Variants in ANKRD11 observed in about 807,000 individuals in gnomAD.
ANKRD11 encodes ankyrin repeat domain 11.
ANKRD11 carries 17 observed loss-of-function variants against 195.7 expected under a neutral mutation model. That is an observed-to-expected ratio of 0.09 (90% CI 0.06 to 0.13). The LOEUF is 0.13. Among genes scored for constraint, ANKRD11 ranks in the 10% least tolerant of loss-of-function variants. The probability of loss-of-function intolerance (pLI) is 1.00; values close to 1 mark genes in which losing one functional copy is unlikely to be tolerated. For synonymous variants in ANKRD11, 1,953 were observed against 1,528.1 expected (o/e 1.28, Z -6.49); for missense variants, 3,735 against 3,566.1 (o/e 1.05, Z -1.21).
At chr16:89,381,767 T>C (rs573695494) in intron 2 of ANKRD11, among the ~76,000 whole-genome samples, 33 of 152,268 alleles carry the variant, frequency 2.2e-4, no homozygotes, top group Non-Finnish European at 3.8e-4. Flanking sequence ...ACCGAATTTA[T>C]ACACTTTGTG....
chr16:89,285,642 T>C lies in ANKRD11; in HGVS notation c.900A>G (p.Ser300=). The change falls in exon 9 of 13, where the codon TCA becomes TCG. Residue 300 remains serine, a synonymous_variant. Coordinates refer to ENST00000301030, the MANE Select transcript of ANKRD11 (RefSeq NM_013275.6). This position sits in a 1 kb window ranked among gnomAD's most constrained non-coding sequence, Gnocchi z 5.6. ...TSSEESSTES[S]EEEDAPSFAP... ...CGAAGGATGGTGCGTCTTCCTCTTC[T>C]GAGCTCTCTGTTGGAGGTAGGAAGC... 6.2e-7 allele frequency: 1 copy of C among 1,614,222 alleles called. No homozygotes were observed. Among genetic ancestry groups the C allele is most frequent in the South Asian group, 1.1e-5 (1 of 91,086 alleles).
intron 11 of ANKRD11, chr16:89,273,158 C>G (rs1018451735): frequency 6.6e-6 from 1 of 151,524 alleles, no homozygotes; most frequent in Non-Finnish European, 1.5e-5. Flanking sequence ...CATATAAGAG[C>G]GTTAACTGGA....
At chr16:89,270,930 A>G (rs757251700) in intron 11 of ANKRD11, 21 bp from the exon 12 acceptor site, 2 of 1,612,920 alleles carry the variant, frequency 1.2e-6, no homozygotes, top group Non-Finnish European at 1.7e-6. Context: ...CAAACACGGG[A>G]GTTTCATCAG....
rs570316990 is a variant in ANKRD11 at position 89,289,922 on chromosome 16, CG to C, written c.601+702del. 9.2e-5 allele frequency among the ~76,000 whole-genome samples: 14 copies of C among 152,242 alleles called. No homozygotes were observed. The South Asian group carries it at 2.9e-3, about 32-fold the overall frequency. On this transcript the variant is annotated intron_variant, in intron 6 of 12. Coordinates refer to ENST00000301030, the MANE Select transcript of ANKRD11 (RefSeq NM_013275.6). ...AGGCATGGTGGCGTGCGCCTGCACCCGGAAGGCTGAGTTGGGAACATCGCTT... is the reference window on the plus strand; with the variant it reads ...AGGCATGGTGGCGTGCGCCTGCACCCGAAGGCTGAGTTGGGAACATCGCTT...
rs71134220 is a variant in ANKRD11, at chr16:89,415,829, C to CAAAAAAAAA, written c.-60+2446_-60+2454dup. On this transcript the variant is annotated intron_variant, in intron 2 of 12. Transcript: ENST00000301030. The stretch of plus-strand genomic sequence containing the variant: ...TGCACAACAAAGCTAGACTCTGTCT[C>CAAAAAAAAA]AAAAAAAAAAAAAAAAAAAAACAAT... 7.4e-3 allele frequency among the ~76,000 whole-genome samples: 293 copies of CAAAAAAAAA among 39,674 alleles called. 17 individuals are homozygous for CAAAAAAAAA. The highest frequency in any genetic ancestry group is 0.023 in the Middle Eastern group (1 of 44). 26.0% of individuals were successfully genotyped at this position (39,674 alleles called of 152,430 possible).
At chr16:89,329,027 G>A (rs960910347) in intron 2 of ANKRD11, 4 of 149,502 alleles carry the variant, frequency 2.7e-5, no homozygotes, top group Admixed American at 6.6e-5. Flanking sequence ...AGAGGCCCCT[G>A]GTGAGTGAGT....
intron 2 of ANKRD11, among the ~76,000 whole-genome samples, chr16:89,416,561 G>A (rs939292476): frequency 1.3e-5 from 2 of 152,134 alleles, no homozygotes; most frequent in Non-Finnish European, 1.5e-5. Context: ...ACATCTCAAA[G>A]TGCTGGGATT....
At chr16:89,312,223 T>C (rs77151370) in intron 3 of ANKRD11, among the ~76,000 whole-genome samples, 4,664 of 152,300 alleles carry the variant, frequency 0.031, 379 homozygotes, top group East Asian at 0.3. Flanking sequence ...TTAAACGTGA[T>C]GTGAGAACCT....
Position 89,286,177 on chromosome 16 carries a change from G to A in ANKRD11, c.754C>T (p.Leu252=). The part of the protein sequence containing the change: ...ANNGHYKVVK[L]LLRYGGNPQQ... The stretch of plus-strand genomic sequence containing the variant: ...GGGTTCCCTCCGTACCGCAGCAGCA[G>A]CTTCACCACCTACAAGACAGTAACA... Residue 252 remains leucine (L), a synonymous_variant, in exon 8 of 13, where the codon CTG becomes TTG. Transcript: ENST00000301030. 1 of 1,613,640 alleles carries A rather than the reference G, an allele frequency of 6.2e-7. No homozygotes were observed.
At chr16:89,384,592 G>A (rs1423003281) in intron 2 of ANKRD11, among the ~76,000 whole-genome samples, 1 of 152,166 alleles carries the variant, frequency 6.6e-6, no homozygotes, top group African/African-American at 2.4e-5. Context: ...GGATGGGGCA[G>A]GACAGAGCAG....
At chr16:89,406,401 C>G (rs1009079942) in intron 2 of ANKRD11, among the ~76,000 whole-genome samples, 1 of 152,208 alleles carries the variant, frequency 6.6e-6, no homozygotes, top group Non-Finnish European at 1.5e-5. Context: ...CCAGCCGGCG[C>G]GCTCTGAGAC....
At chr16:89,292,944 C>G (rs1317483090) in intron 4 of ANKRD11, among the ~76,000 whole-genome samples, 1 of 152,192 alleles carries the variant, frequency 6.6e-6, no homozygotes, top group Non-Finnish European at 1.5e-5. Context: ...CTCTAAACAA[C>G]AGAAGCAGGC....
chr16:89,368,970 T>C (rs1045238231), intron 2 of ANKRD11, among the ~76,000 whole-genome samples: 2 of 152,124 alleles, frequency 1.3e-5, no homozygotes, highest in Non-Finnish European at 2.9e-5. Context: ...CGTGCTCGCC[T>C]GGAGGGAACA....
At chr16:89,397,990 C>A (rs1210770246) in intron 2 of ANKRD11, among the ~76,000 whole-genome samples, 1 of 152,242 alleles carries the variant, frequency 6.6e-6, no homozygotes, top group African/African-American at 2.4e-5. Flanking sequence ...CCAAAAACAA[C>A]CACAAAGCGC....
chr16:89,457,023 A>G (rs2965813), intron 1 of ANKRD11, among the ~76,000 whole-genome samples: 9 of 146,146 alleles, frequency 6.2e-5, no homozygotes, highest in South Asian at 4.5e-4. Flanking sequence ...GCAGTGGCGC[A>G]ATCTCGGCTC....
At chr16:89,406,954 G>C (rs1454117277) in intron 2 of ANKRD11, among the ~76,000 whole-genome samples, 2 of 152,218 alleles carry the variant, frequency 1.3e-5, no homozygotes, top group African/African-American at 4.8e-5. Context: ...CAGGGGAAGG[G>C]GGAGCAGATC....
chr16:89,313,683 C>T, intron 3 of ANKRD11: 2 of 1,069,940 alleles, frequency 1.9e-6, no homozygotes, highest in Non-Finnish European at 2.5e-6. Context: ...CAGCCTGTAC[C>T]AGGAGAAGGC....
At chr16:89,402,726 G>A (rs1408551940) in intron 2 of ANKRD11, among the ~76,000 whole-genome samples, 1 of 146,998 alleles carries the variant, frequency 6.8e-6, no homozygotes, top group Non-Finnish European at 1.5e-5. Context: ...GGGGGCAGGG[G>A]CTCTGTGGGG....
intron 2 of ANKRD11, among the ~76,000 whole-genome samples, chr16:89,399,632 G>A (rs564674741): frequency 3.9e-5 from 6 of 152,266 alleles, no homozygotes; most frequent in East Asian, 1.9e-4. Flanking sequence ...CACAGCACCC[G>A]GTGGACCCTG....
Sources: allele counts gnomAD v4.1 joint callset (sites outside exome capture counted in the v4.1 genomes callset), GRCh38; gene constraint gnomAD v4.1.1; non-coding constraint Gnocchi (gnomAD v3.1); transcripts MANE v1.5; gene names NCBI Gene and HGNC (gene_info 2026-07-23, HGNC 2026-07-21).